GOLGA4: variants seen among roughly 807,000 people sequenced by gnomAD.
GOLGA4 encodes the protein golgin A4.
GOLGA4 carries 169 observed loss-of-function variants against 265.9 expected under a neutral mutation model. The observed-to-expected ratio is 0.64, with a 90% confidence interval of 0.56 to 0.72. The LOEUF (loss-of-function observed/expected upper bound fraction) is 0.72, where lower values mean the gene tolerates loss of function less well. Among genes scored for constraint, GOLGA4 ranks in the 30% least tolerant of loss-of-function variants. The pLI is 0.00. For synonymous variants in GOLGA4, 923 were observed against 855.8 expected (o/e 1.08, Z -1.37); for missense variants, 2,482 against 2,483.4 (o/e 1.00, Z 0.01).
intron 2 of GOLGA4, chr3:37,266,840 A>C: frequency 8.0e-7 from 1 of 1,255,056 alleles, no homozygotes; most frequent in Non-Finnish European, 1.0e-6. Context: ...TGAATGAGAC[A>C]GCTACTAGCC....
intron 10 of GOLGA4, among the ~76,000 whole-genome samples, chr3:37,303,804 T>C (rs1271537503): frequency 2.0e-5 from 3 of 152,228 alleles, no homozygotes; most frequent in Non-Finnish European, 2.9e-5. Context: ...CTACTGCTGC[T>C]ACTATTGTTA....
chr3:37,295,407 T>TG (rs1412077176), intron 6 of GOLGA4, among the ~76,000 whole-genome samples: 1 of 152,144 alleles, frequency 6.6e-6, no homozygotes, highest in African/African-American at 2.4e-5. Context: ...TTTGTAGAGA[T>TG]GGGGTCTCAC....
chr3:37,316,575 A>G (rs986991320), intron 11 of GOLGA4, among the ~76,000 whole-genome samples: 1 of 152,178 alleles, frequency 6.6e-6, no homozygotes, highest in Non-Finnish European at 1.5e-5. Flanking sequence ...ACTATATTTT[A>G]AGTTTTAAAA....
intron 23 of GOLGA4, among the ~76,000 whole-genome samples, chr3:37,363,322 A>AT (rs1175518235): frequency 6.6e-6 from 1 of 152,214 alleles, no homozygotes; most frequent in Admixed American, 6.5e-5. Flanking sequence ...TCCTTTTAAA[A>AT]TAATACTGCA....
intron 11 of GOLGA4, among the ~76,000 whole-genome samples, chr3:37,317,193 C>T (rs903815776): frequency 6.6e-6 from 1 of 151,984 alleles, no homozygotes; most frequent in Non-Finnish European, 1.5e-5. Flanking sequence ...TTTTTTGAGA[C>T]AGAGTCTTGC....
At chr3:37,292,751 A>G (rs1173147076) in intron 5 of GOLGA4, among the ~76,000 whole-genome samples, 2 of 152,178 alleles carry the variant, frequency 1.3e-5, no homozygotes, top group African/African-American at 4.8e-5. Flanking sequence ...AGTAACAGCT[A>G]CTTATATGAA....
intron 23 of GOLGA4, among the ~76,000 whole-genome samples, chr3:37,363,484 C>T (rs1266485010): frequency 3.3e-5 from 5 of 152,184 alleles, no homozygotes; most frequent in Admixed American, 6.5e-5. Context: ...AATGAACACC[C>T]ATATACCCTT....
At position 37,324,083 on chromosome 3, in the gene GOLGA4, C is replaced by G; in HGVS notation, c.2197C>G (p.Gln733Glu). Reference protein sequence around the residue: ...AKMDEQKNHHQQQVDSIIKEH... With the variant: ...AKMDEQKNHHEQQVDSIIKEH... ...GATGGATGAACAGAAAAATCATCAC[C>G]AGCAGCAAGTTGACAGTATCATTAA... The change falls in exon 14 of 24, where the codon CAG (glutamine) becomes GAG (glutamate). Residue 733 changes from glutamine to glutamate, a missense_variant. This residue lies in a region of GOLGA4 where 1,536 missense variants were observed against 1,483.7 expected (regional missense o/e 1.04). Coordinates refer to ENST00000361924, the MANE Select transcript of GOLGA4 (RefSeq NM_002078.5). The G allele has an allele frequency of 6.2e-7, 1 of 1,614,046 alleles. No individual in the cohort carries two copies. Among genetic ancestry groups the G allele is most frequent in the Non-Finnish European group, 8.5e-7 (1 of 1,179,996 alleles).
At chr3:37,284,084 T>C (rs978278884) in intron 3 of GOLGA4, among the ~76,000 whole-genome samples, 4 of 152,144 alleles carry the variant, frequency 2.6e-5, no homozygotes, top group Non-Finnish European at 5.9e-5. Context: ...TGTCTCTACC[T>C]CTCTCTGGCA....
chr3:37,325,630 T>C lies in GOLGA4; in HGVS notation c.3744T>C (p.Ser1248=), dbSNP rs372635842. Residue 1248 remains serine (S), a synonymous_variant, in exon 14 of 24, where the codon TCT becomes TCC. Coordinates refer to ENST00000361924, the MANE Select transcript of GOLGA4 (RefSeq NM_002078.5). ...ISSSKTNAIL[S]RISHCQHRTT... ...GTAGTAAAACTAATGCCATTCTTTC[T>C]AGGATTTCTCATTGTCAGCACCGTA... The C allele has an allele frequency of 3.1e-6, 5 of 1,613,698 alleles. No individual in the cohort carries two copies. Among genetic ancestry groups the C allele is most frequent in the Non-Finnish European group, 4.2e-6 (5 of 1,179,742 alleles).
chr3:37,292,679 G>A (rs1339493232), intron 5 of GOLGA4, among the ~76,000 whole-genome samples: 2 of 137,750 alleles, frequency 1.5e-5, no homozygotes, highest in East Asian at 2.0e-4. Flanking sequence ...GCGAGACTCC[G>A]TCTCAAAAAA....
chr3:37,319,220 C>CT, intron 12 of GOLGA4, 26 bp downstream of exon 12: 2 of 1,560,974 alleles, frequency 1.3e-6, no homozygotes, highest in Non-Finnish European at 1.7e-6. Context: ...TTTTTTTCTG[C>CT]TATAGGTATA....
intron 9 of GOLGA4, among the ~76,000 whole-genome samples, chr3:37,301,337 A>C (rs114504289): frequency 2.6e-5 from 4 of 152,206 alleles, no homozygotes; most frequent in Non-Finnish European, 5.9e-5. Context: ...GATGCCTTAC[A>C]AAGTAAGGAA....
intron 22 of GOLGA4, among the ~76,000 whole-genome samples, chr3:37,356,496 C>T (rs1264439304): frequency 1.3e-5 from 2 of 152,154 alleles, no homozygotes; most frequent in Non-Finnish European, 2.9e-5. Flanking sequence ...CTGCCACTCC[C>T]TGGCATTTAG....
At chr3:37,328,829 A>G in intron 15 of GOLGA4, 134 bp from the exon 16 acceptor site, 1 of 770,072 alleles carries the variant, frequency 1.3e-6, no homozygotes, top group Non-Finnish European at 2.0e-6. Flanking sequence ...TGTCTCATTA[A>G]ACATCTTAAA....
At position 37,336,483 on chromosome 3, in the gene GOLGA4, G is replaced by A. The variant is rs79551547; in HGVS notation, c.6307-660G>A. Among the ~76,000 whole-genome samples the A allele has an allele frequency of 7.3e-3, 1,106 of 152,096 alleles. 15 individuals are homozygous for A. Among genetic ancestry groups the A allele is most frequent in the African/African-American group, 0.024 (1,015 of 41,498 alleles). On this transcript the variant is annotated intron_variant, in intron 17 of 23. Coordinates refer to ENST00000361924, the MANE Select transcript of GOLGA4 (RefSeq NM_002078.5). Reference sequence around the variant, plus strand: ...GTAAGAAAATAGCCTTAATTTGGCCGGGAGAGGTAGCTCATGCCTGTAATC... The same window carrying A: ...GTAAGAAAATAGCCTTAATTTGGCCAGGAGAGGTAGCTCATGCCTGTAATC...
chr3:37,282,777 T>C lies in GOLGA4; in HGVS notation c.477+505T>C, dbSNP rs373963810. On this transcript the variant is annotated intron_variant, in intron 3 of 23. Transcript: ENST00000361924. ...AAACCTTTGCCTTGGATGAATCTTT[T>C]CATTGCTAAACCCTTGAGAATGACA... Among the ~76,000 whole-genome samples the C allele has an allele frequency of 7.1e-4, 108 of 152,356 alleles. 1 individual carries two copies. Among genetic ancestry groups the C allele is most frequent in the Middle Eastern group, 6.8e-3 (2 of 294 alleles).
At chr3:37,306,401 A>G (rs1232345411) in intron 10 of GOLGA4, among the ~76,000 whole-genome samples, 1 of 152,156 alleles carries the variant, frequency 6.6e-6, no homozygotes, top group Non-Finnish European at 1.5e-5. Context: ...GCTTAAGTAC[A>G]TAATGCTGTA....
Position 37,268,066 on chromosome 3 carries a change from G to A in GOLGA4, c.163-13892G>A, listed in dbSNP as rs2150701800. Among the ~76,000 whole-genome samples, 2 of 151,932 alleles carry A rather than the reference G, an allele frequency of 1.3e-5. 1 individual carries two copies. Among genetic ancestry groups the A allele is most frequent in the Middle Eastern group, 6.8e-3 (2 of 294 alleles). On this transcript the variant is annotated intron_variant, in intron 2 of 23. Coordinates refer to ENST00000361924, the MANE Select transcript of GOLGA4 (RefSeq NM_002078.5). ...TCAGAAGTCCCAATTAGAGAGACTT[G>A]TTTACTGTTTTTATTTATTTATTTA...
Sources: gnomAD v4.1 joint callset for allele counts (sites outside exome capture counted in the v4.1 genomes callset) on GRCh38, gnomAD v4.1.1 for gene constraint, gnomAD v4.1.1 regional missense constraint, MANE v1.5 for transcripts, NCBI Gene and HGNC (gene_info 2026-07-23, HGNC 2026-07-21) for gene names.